Variants in LRP2 observed in about 807,000 individuals in gnomAD.
The protein encoded by LRP2 is low-density lipoprotein receptor-related protein 2.
LRP2 carries 172 observed loss-of-function variants against 531.0 expected under a neutral mutation model. The ratio of observed to expected loss-of-function variants is 0.32; its 90% CI spans 0.29 to 0.37. LRP2 has a LOEUF of 0.37. Ranked by LOEUF, LRP2 falls within the 10% of genes least tolerant of loss-of-function variation. The pLI is 1.00. For synonymous variants in LRP2, 1,992 were observed against 2,027.6 expected (o/e 0.98, Z 0.47); for missense variants, 5,167 against 5,868.3 (o/e 0.88, Z 3.90).
intron 4 of LRP2, among the ~76,000 whole-genome samples, chr2:169,298,624 GATTTTC>G (rs1684192657): frequency 6.6e-6 from 1 of 152,114 alleles, no homozygotes; most frequent in South Asian, 2.1e-4. Flanking sequence ...AAGGGGGGAA[GATTTTC>G]TTTCTGCCAG....
chr2:169,304,215 CT>C (rs1346190721), intron 4 of LRP2, among the ~76,000 whole-genome samples: 3 of 152,182 alleles, frequency 2.0e-5, no homozygotes, highest in African/African-American at 7.2e-5. Context: ...AAGACACAGA[CT>C]TTTGGCTGGT....
intron 68 of LRP2, among the ~76,000 whole-genome samples, chr2:169,149,257 C>T (rs946530144): frequency 6.6e-6 from 1 of 152,202 alleles, no homozygotes; most frequent in Non-Finnish European, 1.5e-5. Flanking sequence ...TGGCACTTCT[C>T]ATTGCTGTTG....
intron 1 of LRP2, among the ~76,000 whole-genome samples, chr2:169,333,859 T>G (rs892792007): frequency 6.6e-6 from 1 of 152,188 alleles, no homozygotes; most frequent in Non-Finnish European, 1.5e-5. Context: ...TGGGCTCAAA[T>G]AGCATGAGGA....
chr2:169,146,529 G>T, intron 69 of LRP2, among the ~76,000 whole-genome samples: 1 of 151,982 alleles, frequency 6.6e-6, no homozygotes, highest in African/African-American at 2.4e-5. Context: ...TTAAAGTTGT[G>T]TAAAAAGGAC....
At chr2:169,339,689 C>A (rs1685510711) in intron 1 of LRP2, among the ~76,000 whole-genome samples, 1 of 152,192 alleles carries the variant, frequency 6.6e-6, no homozygotes, top group South Asian at 2.1e-4. Flanking sequence ...TATAGAATTA[C>A]TAACCCCTGT....
intron 50 of LRP2, chr2:169,182,753 T>C (rs1260043697): frequency 1.1e-5 from 4 of 352,160 alleles, no homozygotes; most frequent in Non-Finnish European, 1.6e-5. Flanking sequence ...CTCTGAATTA[T>C]GACATTCTTA....
chr2:169,307,471 G>T lies in LRP2; in HGVS notation c.311-74C>A, dbSNP rs1684456375. The T allele has an allele frequency of 4.3e-6, 4 of 920,634 alleles. No individual in the cohort carries two copies. In the South Asian group the frequency reaches 5.4e-5, roughly 12 times the overall value. 57.0% of individuals were successfully genotyped at this position (920,634 alleles called of 1,614,324 possible). Reference sequence around the variant, plus strand: ...AGACTAATCTATTGTCATTAACAAGGATATTGGAAAGCATAAAGTTCATAG... The same window carrying T: ...AGACTAATCTATTGTCATTAACAAGTATATTGGAAAGCATAAAGTTCATAG... On this transcript the variant is annotated intron_variant, in intron 3 of 78. Transcript: ENST00000649046.
intron 70 of LRP2, among the ~76,000 whole-genome samples, chr2:169,144,449 G>T (rs570537337): frequency 0.14 from 93 of 656 alleles, 3 homozygotes; most frequent in African/African-American, 0.25. Flanking sequence ...AGCTGCCGGA[G>T]GGAGATGCTT....
At chr2:169,303,693 T>C (rs1002569508) in intron 4 of LRP2, among the ~76,000 whole-genome samples, 2 of 152,132 alleles carry the variant, frequency 1.3e-5, no homozygotes, top group African/African-American at 4.8e-5. Flanking sequence ...TTTTTTTTTT[T>C]ACACTGCTCC....
chr2:169,319,157 G>A (rs1458762532), intron 2 of LRP2, among the ~76,000 whole-genome samples: 2 of 152,272 alleles, frequency 1.3e-5, no homozygotes, highest in African/African-American at 2.4e-5. Context: ...AAAAAATTAT[G>A]ATAAAGGTAT....
intron 14 of LRP2, 33 bp downstream of exon 14, chr2:169,275,003 A>C: frequency 6.2e-7 from 1 of 1,604,474 alleles, no homozygotes; most frequent in Middle Eastern, 1.7e-4. Flanking sequence ...CAAGTCCGGT[A>C]CCAAGCATGG....
chr2:169,247,002 C>T lies in LRP2; in HGVS notation c.2909-16G>A, dbSNP rs2105394103. 1 of 1,613,538 alleles carries T rather than the reference C, an allele frequency of 6.2e-7. No homozygotes were observed. The highest frequency in any genetic ancestry group is 8.5e-7 in the Non-Finnish European group (1 of 1,179,890). ...GCGTTAGAACCTGCAAAAGCAAAGC[C>T]CCGAGGGAGTCAGTCATGTACATTT... On this transcript the variant is annotated splice_polypyrimidine_tract_variant and intron_variant, in intron 20 of 78. Coordinates refer to ENST00000649046, the MANE Select transcript of LRP2 (RefSeq NM_004525.3).
intron 38 of LRP2, among the ~76,000 whole-genome samples, chr2:169,208,691 A>G (rs1688489650): frequency 6.6e-6 from 1 of 152,156 alleles, no homozygotes; most frequent in African/African-American, 2.4e-5. Flanking sequence ...TCTTGACCTC[A>G]GGTGATCCGC....
chr2:169,309,509 G>T (rs1354195677), intron 3 of LRP2, among the ~76,000 whole-genome samples: 1 of 152,166 alleles, frequency 6.6e-6, no homozygotes, highest in Non-Finnish European at 1.5e-5. Flanking sequence ...GTTTTTGTCA[G>T]GTTTGTCAAA....
In LRP2 at chr2:169,361,394, CTG is replaced by C. The variant is rs1553518199; in HGVS notation, c.79+925_79+926del. Among the ~76,000 whole-genome samples the C allele has an allele frequency of 2.3e-3, 322 of 139,924 alleles. 7 individuals are homozygous for C. The highest frequency in any genetic ancestry group is 7.4e-3 in the Middle Eastern group (2 of 270). 91.8% of individuals were successfully genotyped at this position (139,924 alleles called of 152,430 possible). On this transcript the variant is annotated intron_variant, in intron 1 of 78. Coordinates refer to ENST00000649046, the MANE Select transcript of LRP2 (RefSeq NM_004525.3). ...TCTCTCTCCCTCTCTCTCTCTCTCT[CTG>C]TCTCTCTCCTCTCTCTCCTCTCTCT...
Position 169,165,371 on chromosome 2 carries a change from C to T in LRP2, c.11758+561G>A, listed in dbSNP as rs553243482. Among the ~76,000 whole-genome samples the T allele has an allele frequency of 1.9e-4, 29 of 152,304 alleles. No homozygotes were observed. The South Asian group carries it at 5.2e-3, about 27-fold the overall frequency. On this transcript the variant is annotated intron_variant, in intron 62 of 78. Coordinates refer to ENST00000649046, the MANE Select transcript of LRP2 (RefSeq NM_004525.3). ...AAAAAGTACAGCTATTTCAATGCCT[C>T]GATTGTTAAATGCAGCCAGTTTGGA...
At chr2:169,241,514 A>G (rs1407689592) in intron 24 of LRP2, 149 bp from the exon 25 acceptor site, 14 of 862,416 alleles carry the variant, frequency 1.6e-5, no homozygotes, top group Non-Finnish European at 2.6e-5. Flanking sequence ...AATGATATAG[A>G]GTCTTCTCCC....
chr2:169,239,648 T>C lies in LRP2; in HGVS notation c.4173A>G (p.Ile1391Met), dbSNP rs1415269598. The C allele has an allele frequency of 1.9e-5, 30 of 1,614,008 alleles. No individual in the cohort carries two copies. The highest frequency in any genetic ancestry group is 2.5e-5 in the Non-Finnish European group (30 of 1,179,936). The change falls in exon 26 of 79, where the codon ATA becomes ATG. Residue 1391 changes from isoleucine to methionine, a missense_variant. By Grantham distance (10) the Ile-to-Met change is conservative. Around this residue, in one of 6 missense-constraint regions of LRP2, gnomAD observed 2,811 missense variants for 3,058.0 expected, o/e 0.92. Transcript: ENST00000649046. The stretch of plus-strand genomic sequence containing the variant: ...AAGAGCCTAGAATATCACATTCATC[T>C]ATGTCTTCACAGGTCTTAGAATCAT... Reference protein sequence around the residue: ...LANDSKTCEDIDECDILGSCS... With the variant: ...LANDSKTCEDMDECDILGSCS...
At chr2:169,236,171 T>TA (rs1342910354) in intron 28 of LRP2, 103 bp from the exon 29 acceptor site, 1 of 861,798 alleles carries the variant, frequency 1.2e-6, no homozygotes, top group East Asian at 2.6e-5. Flanking sequence ...CTGCTTAAAA[T>TA]AAATCATCTC....
Sources: allele counts gnomAD v4.1 joint callset (sites outside exome capture counted in the v4.1 genomes callset), GRCh38; gene constraint gnomAD v4.1.1; regional missense constraint gnomAD v4.1.1; transcripts MANE v1.5; gene names NCBI Gene and HGNC (gene_info 2026-07-23, HGNC 2026-07-21).